Variants in FOXO3 observed in about 807,000 individuals in gnomAD.
The protein encoded by FOXO3 is forkhead box protein O3.
In FOXO3, 4 loss-of-function variants were observed where a neutral mutation model predicts 41.9. The observed-to-expected ratio is 0.10, with a 90% CI of 0.05 to 0.22. The LOEUF (loss-of-function observed/expected upper bound fraction) is 0.22. FOXO3 is among the 10% of genes least tolerant of loss of function. The pLI is 1.00. For missense variants in FOXO3, 534 were observed against 906.8 expected (o/e 0.59, Z 5.28); for synonymous variants, 318 against 389.3 (o/e 0.82, Z 2.16).
chr6:108,591,621 G>A (rs1451619263), intron 1 of FOXO3, among the ~76,000 whole-genome samples: 4 of 152,194 alleles, frequency 2.6e-5, no homozygotes, highest in Non-Finnish European at 5.9e-5. Context: ...TTTCCTCATA[G>A]TTCTTCAGCA....
chr6:108,664,703 A>G lies in FOXO3; in HGVS notation c.1870A>G (p.Met624Val), dbSNP rs1778999041. 1 of 1,118,794 alleles carries G rather than the reference A, an allele frequency of 8.9e-7. No homozygotes were observed. The highest frequency in any genetic ancestry group is 2.4e-5 in the East Asian group (1 of 42,294). 69.3% of individuals were successfully genotyped at this position (1,118,794 alleles called of 1,614,324 possible). A position where few individuals can be genotyped will look rare whatever the true frequency, so the allele number is the denominator to read the frequency against. ...GTTCAATGGGAGCTTGGAATGTGAC[A>G]TGGAGTCCATTATCCGTAGTGAACT... ...DMFNGSLECD[M>V]ESIIRSELMD... Residue 624 changes from methionine to valine, a missense_variant, in exon 2 of 3, where the codon ATG becomes GTG. Met to Val is a conservative substitution (Grantham distance 21, BLOSUM62 1). This residue lies in a region of FOXO3 where 94 missense variants were observed against 214.4 expected (regional missense o/e 0.44). Coordinates refer to ENST00000406360, the MANE Select transcript of FOXO3 (RefSeq NM_001455.4).
chr6:108,631,798 C>A (rs1454147737), intron 1 of FOXO3, among the ~76,000 whole-genome samples: 2 of 152,162 alleles, frequency 1.3e-5, no homozygotes, highest in South Asian at 2.1e-4. Flanking sequence ...TTAAAAATTT[C>A]TCCCTTGTAC....
chr6:108,606,986 C>G (rs1777221974), intron 1 of FOXO3, among the ~76,000 whole-genome samples: 1 of 152,070 alleles, frequency 6.6e-6, no homozygotes, highest in Non-Finnish European at 1.5e-5. Flanking sequence ...ACAAATGAAC[C>G]CTTGGGATAT....
At chr6:108,639,089 A>G (rs961652365) in intron 1 of FOXO3, among the ~76,000 whole-genome samples, 1 of 152,190 alleles carries the variant, frequency 6.6e-6, no homozygotes, top group Non-Finnish European at 1.5e-5. Context: ...ATGGACCCAG[A>G]GGAAAGATAA....
intron 1 of FOXO3, among the ~76,000 whole-genome samples, chr6:108,589,328 T>C (rs1776669209): frequency 6.6e-6 from 1 of 152,184 alleles, no homozygotes. Context: ...CTGGGAGTCT[T>C]GACCGGGCCA....
intron 1 of FOXO3, among the ~76,000 whole-genome samples, chr6:108,614,503 T>C (rs1337104159): frequency 2.6e-5 from 4 of 152,136 alleles, no homozygotes. Flanking sequence ...GTTGTTGAAA[T>C]CTGTTCATTA....
rs746629096 is a variant in FOXO3, at chr6:108,570,369, G to A, written c.621+8540G>A. 1.6e-4 allele frequency among the ~76,000 whole-genome samples: 25 copies of A among 151,916 alleles called. 1 individual carries two copies. The South Asian group carries it at 3.8e-3, about 23-fold the overall frequency. On this transcript the variant is annotated intron_variant, in intron 1 of 2. Coordinates refer to ENST00000406360, the MANE Select transcript of FOXO3 (RefSeq NM_001455.4). ...TGCTCTGTCACCTAGGCTGGAGTGCGGTGGCACAATCATAGCTCTCCACAG... is the reference window on the plus strand; with the variant it reads ...TGCTCTGTCACCTAGGCTGGAGTGCAGTGGCACAATCATAGCTCTCCACAG...
intron 1 of FOXO3, among the ~76,000 whole-genome samples, chr6:108,633,395 T>A (rs768095775): frequency 7.9e-5 from 12 of 151,280 alleles, no homozygotes; most frequent in African/African-American, 2.7e-4. Context: ...TCTGCTGATT[T>A]AAAAAAAAAG....
intron 1 of FOXO3, chr6:108,639,664 T>C (rs1477104345): frequency 1.4e-6 from 1 of 697,704 alleles, no homozygotes; most frequent in Non-Finnish European, 1.8e-6. Context: ...TGAAAATAAA[T>C]AAATAAAATC....
intron 1 of FOXO3, among the ~76,000 whole-genome samples, chr6:108,641,218 AATT>A (rs1251224292): frequency 1.3e-5 from 2 of 152,146 alleles, no homozygotes; most frequent in African/African-American, 4.8e-5. Context: ...CTGGAAACTC[AATT>A]ATTTCAATAT....
chr6:108,667,966 G>T (rs1779108833), intron 2 of FOXO3, among the ~76,000 whole-genome samples: 1 of 152,160 alleles, frequency 6.6e-6, no homozygotes. Context: ...GCAACCTGAA[G>T]TGTATTTTTT....
chr6:108,643,973 C>T (rs2128380257), intron 1 of FOXO3, among the ~76,000 whole-genome samples: 1 of 152,332 alleles, frequency 6.6e-6, no homozygotes, highest in Non-Finnish European at 1.5e-5. Flanking sequence ...AAGGACTGTT[C>T]CTGTGGCCGT....
At chr6:108,630,035 C>G (rs1422217584) in intron 1 of FOXO3, among the ~76,000 whole-genome samples, 2 of 152,158 alleles carry the variant, frequency 1.3e-5, no homozygotes, top group African/African-American at 4.8e-5. Context: ...TTCTTTTCTA[C>G]TATATTGGTC....
intron 1 of FOXO3, among the ~76,000 whole-genome samples, chr6:108,641,438 G>T (rs758366624): frequency 2.5e-4 from 38 of 151,970 alleles, no homozygotes; most frequent in Non-Finnish European, 4.6e-4. Flanking sequence ...AACCTCTAGG[G>T]CTCCATAAAC....
intron 1 of FOXO3, among the ~76,000 whole-genome samples, chr6:108,573,176 A>G (rs1776156000): frequency 6.6e-6 from 1 of 152,044 alleles, no homozygotes; most frequent in African/African-American, 2.4e-5. Flanking sequence ...AGTACCAGCT[A>G]CTCGGGAGGC....
intron 1 of FOXO3, among the ~76,000 whole-genome samples, chr6:108,659,598 A>G (rs1350602698): frequency 1.3e-5 from 2 of 151,806 alleles, no homozygotes; most frequent in Non-Finnish European, 2.9e-5. Context: ...AATCTAAAAC[A>G]CTCTGGCTCA....
rs555929947 is a variant in FOXO3 at position 108,620,326 on chromosome 6, A to C, written c.622-43129A>C. ...TTCCCTTAACACTTTAATATGATAC[A>C]ATTTTTGTCTATCGTTTTTCTTAAA... On this transcript the variant is annotated intron_variant, in intron 1 of 2. Transcript: ENST00000406360. Among the ~76,000 whole-genome samples the C allele has an allele frequency of 2.1e-4, 32 of 152,262 alleles. No individual in the cohort carries two copies. In the South Asian group the frequency reaches 6.2e-3, roughly 30 times the overall value.
At chr6:108,631,513 G>C (rs1399935663) in intron 1 of FOXO3, among the ~76,000 whole-genome samples, 1 of 152,108 alleles carries the variant, frequency 6.6e-6, no homozygotes, top group African/African-American at 2.4e-5. Flanking sequence ...GAGGATTTGC[G>C]TGAAGACAAG....
rs557095874 is a variant in FOXO3, at chr6:108,580,969, C to T, written c.621+19140C>T. On this transcript the variant is annotated intron_variant, in intron 1 of 2. Transcript: ENST00000406360. ...ATATTCCAGCAAGGGTGACCCAGCT[C>T]ATCTTTCACAGATTCAGAAATGAGA... Among the ~76,000 whole-genome samples, 8 of 152,320 alleles carry T rather than the reference C, an allele frequency of 5.3e-5. No individual in the cohort carries two copies. In the South Asian group the frequency reaches 1.4e-3, roughly 28 times the overall value.
Sources: allele counts gnomAD v4.1 joint callset (sites outside exome capture counted in the v4.1 genomes callset), GRCh38; gene constraint gnomAD v4.1.1; regional missense constraint gnomAD v4.1.1; transcripts MANE v1.5; gene names NCBI Gene and HGNC (gene_info 2026-07-23, HGNC 2026-07-21).